DNM1: variants seen among roughly 807,000 people sequenced by gnomAD.
The protein encoded by DNM1 is dynamin 1.
Under a neutral mutation model 104.6 loss-of-function variants are expected in DNM1, and 29 were observed. The observed-to-expected ratio is 0.28, with a 90% CI of 0.21 to 0.38. The LOEUF (loss-of-function observed/expected upper bound fraction) is 0.38, where lower values mean the gene tolerates loss of function less well. Among genes scored for constraint, DNM1 ranks in the 10% least tolerant of loss-of-function variants. The pLI, the probability that DNM1 is intolerant of heterozygous loss-of-function variation, is 1.00. For missense variants in DNM1, 640 were observed against 1,189.4 expected, an observed-to-expected ratio of 0.54 and a Z score of 6.79; for synonymous variants, 445 against 475.8, an observed-to-expected ratio of 0.94 and a Z score of 0.84.
rs1364396250 is a variant in DNM1 at position 128,250,285 on chromosome 9, C to T, written c.2247C>T (p.Thr749=). 1 of 1,612,672 alleles carries T rather than the reference C, an allele frequency of 6.2e-7. No individual in the cohort carries two copies. Among genetic ancestry groups the T allele is most frequent in the South Asian group, 1.1e-5 (1 of 90,918 alleles). Residue 749 remains threonine (T), a synonymous_variant, in exon 20 of 22, where the codon ACC becomes ACT. Coordinates refer to ENST00000372923, the MANE Select transcript of DNM1 (RefSeq NM_004408.4). The part of the protein sequence containing the change: ...LSIIGDINTT[T]VSTPMPPPVD... ...TCATCGGCGACATCAACACGACCAC[C>T]GTCAGCACGCCCATGCCCCCGCCCG...
chr9:128,222,622 G>T lies in DNM1; in HGVS notation c.1128+26G>T, dbSNP rs552523395. 6.2e-7 allele frequency: 1 copy of T among 1,613,526 alleles called. No homozygotes were observed. The highest frequency in any genetic ancestry group is 1.1e-5 in the South Asian group (1 of 91,054). On this transcript the variant is annotated intron_variant, in intron 8 of 21. Coordinates refer to ENST00000372923, the MANE Select transcript of DNM1 (RefSeq NM_004408.4). This position sits in a 1 kb window ranked among gnomAD's most constrained non-coding sequence, Gnocchi z 7.8. ...GTAGGTCAGGCAGCCCTGGGGACAG[G>T]ATGGCTCAGGACTCCCCCCACCCTC...
rs1836954509 is a variant in DNM1, at chr9:128,248,316, T to G, written c.1906-267T>G. On this transcript the variant is annotated intron_variant, in intron 18 of 21. Transcript: ENST00000372923. The surrounding 1 kb of genome is among the most constrained non-coding windows in gnomAD (Gnocchi z 5.6). ...TCCAGCCTGGGTGACAAAGCAAGAC[T>G]TTCTCAAAATAATAATAATAATAAT... 1 of 493,374 alleles carries G rather than the reference T, an allele frequency of 2.0e-6. No homozygotes were observed. Among genetic ancestry groups the G allele is most frequent in the African/African-American group, 1.9e-5 (1 of 51,938 alleles). The allele number at this position is 493,374 out of a possible 1,614,324, so 30.6% of individuals were successfully genotyped here. A position where few individuals can be genotyped will look rare whatever the true frequency, so the allele number is the denominator to read the frequency against.
chr9:128,244,840 G>A, intron 15 of DNM1: 1 of 528,114 alleles, frequency 1.9e-6, no homozygotes, highest in African/African-American at 1.9e-5. Context: ...GTCCATCCAG[G>A]CAGCAGTGTC....
At position 128,224,203 on chromosome 9, in the gene DNM1, C is replaced by T. The variant is rs891878590; in HGVS notation, c.1197-48C>T. 17 of 1,578,852 alleles carry T rather than the reference C, an allele frequency of 1.1e-5. No individual in the cohort carries two copies. The highest frequency in any genetic ancestry group is 5.2e-5 in the Admixed American group (3 of 57,532). Reference sequence around the variant, plus strand: ...GGAGCCTCGGCCTGGCCCTCCTGGCCGGCACTGGCCTGTGACACTCTGCCC... The same window carrying T: ...GGAGCCTCGGCCTGGCCCTCCTGGCTGGCACTGGCCTGTGACACTCTGCCC... On this transcript the variant is annotated intron_variant, in intron 9 of 21. Coordinates refer to ENST00000372923, the MANE Select transcript of DNM1 (RefSeq NM_004408.4). The surrounding 1 kb of genome is among the most constrained non-coding windows in gnomAD (Gnocchi z 4.3).
In DNM1 at chr9:128,245,515, A is replaced by G. The variant is rs1345987602; in HGVS notation, c.1672-879A>G. Among the ~76,000 whole-genome samples the G allele has an allele frequency of 6.6e-6, 1 of 152,024 alleles. No individual in the cohort carries two copies. The highest frequency in any genetic ancestry group is 1.5e-5 in the Non-Finnish European group (1 of 67,998). Reference sequence around the variant, plus strand: ...CCTCCCCTGGGACACAGCAGCCTACATACACATGTGCCCACACCGAGCACA... The same window carrying G: ...CCTCCCCTGGGACACAGCAGCCTACGTACACATGTGCCCACACCGAGCACA... On this transcript the variant is annotated intron_variant, in intron 15 of 21. Coordinates refer to ENST00000372923, the MANE Select transcript of DNM1 (RefSeq NM_004408.4). The surrounding 1 kb of genome is among the most constrained non-coding windows in gnomAD (Gnocchi z 5.2).
chr9:128,244,149 TC>T (rs1224780328), intron 15 of DNM1, among the ~76,000 whole-genome samples: 12 of 144,380 alleles, frequency 8.3e-5, no homozygotes, highest in Non-Finnish European at 1.5e-4. Flanking sequence ...GGGAGGGGGC[TC>T]TAGGAGGGAG....
In DNM1 at chr9:128,254,070, GACTTAT is replaced by G; in HGVS notation, c.2535-582_2535-577del. On this transcript the variant is annotated intron_variant, in intron 21 of 21. Transcript: ENST00000372923. The surrounding 1 kb of genome is among the most constrained non-coding windows in gnomAD (Gnocchi z 6.1). ...CCGACCAGCTGAGGCTCCCCTCTTA[GACTTAT>G]AAGTCTATGGCCACTGGCATCCGGC... 2 of 1,245,402 alleles carry G rather than the reference GACTTAT, an allele frequency of 1.6e-6. No homozygotes were observed. Among genetic ancestry groups the G allele is most frequent in the Non-Finnish European group, 2.0e-6 (2 of 997,682 alleles). 77.1% of individuals were successfully genotyped at this position (1,245,402 alleles called of 1,614,324 possible).
intron 11 of DNM1, 93 bp downstream of exon 11, chr9:128,234,200 G>T: frequency 9.7e-7 from 1 of 1,026,718 alleles, no homozygotes; most frequent in Non-Finnish European, 1.4e-6. Context: ...CTTCCTTCTT[G>T]TTTTGTCTCT....
chr9:128,233,234 C>T (rs576084582), intron 10 of DNM1, among the ~76,000 whole-genome samples: 19 of 152,306 alleles, frequency 1.2e-4, no homozygotes, highest in African/African-American at 4.3e-4. Flanking sequence ...GGGGTCGAGA[C>T]AGTGTGGCTG....
Position 128,203,653 on chromosome 9 carries a change from G to GCGCCGAC in DNM1, c.161+24_161+30dup. 6.7e-7 allele frequency: 1 copy of GCGCCGAC among 1,502,842 alleles called. No homozygotes were observed. Among genetic ancestry groups the GCGCCGAC allele is most frequent in the Non-Finnish European group, 8.8e-7 (1 of 1,133,424 alleles). 93.1% of individuals were successfully genotyped at this position (1,502,842 alleles called of 1,614,324 possible). A position where few individuals can be genotyped will look rare whatever the true frequency, so the allele number is the denominator to read the frequency against. ...GCAGGTAGGCGCGGCGCGCCCCCAG[G>GCGCCGAC]CGCCGACCCCCGACCCCCGGGATCC... On this transcript the variant is annotated intron_variant, in intron 1 of 21. Transcript: ENST00000372923. This position sits in a 1 kb window ranked among gnomAD's most constrained non-coding sequence, Gnocchi z 5.3.
intron 19 of DNM1, 90 bp from the exon 20 acceptor site, chr9:128,250,025 C>A: frequency 6.3e-7 from 1 of 1,594,932 alleles, no homozygotes; most frequent in Non-Finnish European, 8.6e-7. Context: ...AAAAGCCACA[C>A]CAGCTCACAG....
chr9:128,250,006 C>A, intron 19 of DNM1, 109 bp from the exon 20 acceptor site: 1 of 1,522,880 alleles, frequency 6.6e-7, no homozygotes, highest in Non-Finnish European at 9.0e-7. Context: ...AGTGTAGGAG[C>A]CGCGTCTGAA....
chr9:128,219,910 G>C (rs1221269894), intron 4 of DNM1, 78 bp from the exon 5 acceptor site: 1 of 1,182,054 alleles, frequency 8.5e-7, no homozygotes, highest in Non-Finnish European at 1.2e-6. Context: ...GGAGAGCAGG[G>C]GGATGGGAGT....
chr9:128,235,030 T>A (rs1835926398), intron 11 of DNM1: 1 of 151,616 alleles, frequency 6.6e-6, no homozygotes, highest in Admixed American at 6.6e-5. Context: ...TGATCTCAAG[T>A]GATCCACCCG....
chr9:128,217,713 G>T (rs899031954), intron 1 of DNM1, among the ~76,000 whole-genome samples: 1 of 152,150 alleles, frequency 6.6e-6, no homozygotes, highest in South Asian at 2.1e-4. Flanking sequence ...CACCGCGCCC[G>T]GCCCATGAGT....
At chr9:128,216,375 G>C (rs1355590282) in intron 1 of DNM1, among the ~76,000 whole-genome samples, 1 of 152,164 alleles carries the variant, frequency 6.6e-6, no homozygotes, top group Non-Finnish European at 1.5e-5. Flanking sequence ...AGCCTCAGCT[G>C]CTTCCTCTGT....
rs767451817 is a variant in DNM1, at chr9:128,253,076, A to G, written c.2535-1578A>G. ...GCCCCACCCGTGCGTGTGAACTGCC[A>G]TGTTGATTTCGTGCTGTCTTTCAGA... On this transcript the variant is annotated intron_variant, in intron 21 of 21. Transcript: ENST00000372923. The surrounding 1 kb of genome is among the most constrained non-coding windows in gnomAD (Gnocchi z 5.9). 1.6e-5 allele frequency: 25 copies of G among 1,610,932 alleles called. No individual in the cohort carries two copies. The highest frequency in any genetic ancestry group is 1.7e-6 in the Non-Finnish European group (2 of 1,179,680).
Position 128,243,941 on chromosome 9 carries a change from TTGTGTGTGTGTG to T in DNM1, c.1671+1613_1671+1624del, listed in dbSNP as rs34446611. 0.013 allele frequency among the ~76,000 whole-genome samples: 1,839 copies of T among 143,824 alleles called. 39 individuals carry two copies. The highest frequency in any genetic ancestry group is 0.044 in the African/African-American group (1,739 of 39,526). 94.4% of individuals were successfully genotyped at this position (143,824 alleles called of 152,430 possible). ...GTGGGTGCTGGGAGGCGGGGTGTGT[TTGTGTGTGTGTG>T]TGTGTGTGTGTGTGTGGCTTGTGGG... On this transcript the variant is annotated intron_variant, in intron 15 of 21. Coordinates refer to ENST00000372923, the MANE Select transcript of DNM1 (RefSeq NM_004408.4). This position sits in a 1 kb window ranked among gnomAD's most constrained non-coding sequence, Gnocchi z 4.0.
At position 128,248,875 on chromosome 9, in the gene DNM1, TC is replaced by T; in HGVS notation, c.2076+124del. ...ACCAGGTCCAGGGAGGGAGGCACGG[TC>T]CAGACCAGAGCTGTCCAATAGAAAT... On this transcript the variant is annotated intron_variant, in intron 19 of 21. Coordinates refer to ENST00000372923, the MANE Select transcript of DNM1 (RefSeq NM_004408.4). This position sits in a 1 kb window ranked among gnomAD's most constrained non-coding sequence, Gnocchi z 5.6. The T allele has an allele frequency of 9.1e-7, 1 of 1,092,920 alleles. No individual in the cohort carries two copies. The highest frequency in any genetic ancestry group is 2.4e-5 in the East Asian group (1 of 41,596). 67.7% of individuals were successfully genotyped at this position (1,092,920 alleles called of 1,614,324 possible). A position where few individuals can be genotyped will look rare whatever the true frequency, so the allele number is the denominator to read the frequency against.
Sources: gnomAD v4.1 joint callset for allele counts (sites outside exome capture counted in the v4.1 genomes callset) on GRCh38, gnomAD v4.1.1 for gene constraint, Gnocchi (gnomAD v3.1) non-coding constraint, MANE v1.5 for transcripts, NCBI Gene and HGNC (gene_info 2026-07-23, HGNC 2026-07-21) for gene names.